Variants in KDM4B observed in about 807,000 individuals in gnomAD.
KDM4B encodes lysine-specific demethylase 4B.
A neutral mutation model predicts 125.2 loss-of-function variants in KDM4B; 32 were observed. That is an observed-to-expected ratio of 0.26 (90% CI 0.19 to 0.34). KDM4B has a LOEUF of 0.34. KDM4B is among the 10% of genes least tolerant of loss of function. The pLI is 1.00. For synonymous variants in KDM4B, 721 were observed against 677.9 expected (o/e 1.06, Z -0.99); for missense variants, 1,190 against 1,577.7 (o/e 0.75, Z 4.16).
intron 5 of KDM4B, among the ~76,000 whole-genome samples, chr19:5,042,064 T>G (rs11673134): frequency 0.083 from 12,602 of 152,324 alleles, 596 homozygotes; most frequent in Middle Eastern, 0.17. Flanking sequence ...AAGCCAGCCT[T>G]GCTTCCGGCC....
intron 12 of KDM4B, 140 bp from the exon 13 acceptor site, chr19:5,131,747 C>T (rs2039560495): frequency 3.2e-6 from 3 of 947,910 alleles, no homozygotes; most frequent in Non-Finnish European, 4.7e-6. Context: ...AACAGAGGAG[C>T]CCTGTGGTTC....
At chr19:5,015,662 C>T (rs562178940) in intron 1 of KDM4B, among the ~76,000 whole-genome samples, 29 of 152,236 alleles carry the variant, frequency 1.9e-4, no homozygotes, top group African/African-American at 2.6e-4. Context: ...CCAGCCTGGA[C>T]GCTATAGTGA....
chr19:5,041,013 C>T lies in KDM4B; in HGVS notation c.318-124C>T, dbSNP rs372303215. 4.6e-4 allele frequency: 269 copies of T among 588,256 alleles called. 1 individual carries two copies. In the East Asian group the frequency reaches 7.4e-3, roughly 16 times the overall value. The allele number at this position is 588,256 out of a possible 1,614,324, so 36.4% of individuals were successfully genotyped here. On this transcript the variant is annotated intron_variant, in intron 4 of 22. Transcript: ENST00000159111. ...TTGCGTGGTACCCTAGGCGGGGCAG[C>T]GGGCAGTCGGAGCAGAGCCCCTCCC... is the stretch of plus-strand genomic sequence containing the variant.
At chr19:5,102,697 G>A (rs7245518) in intron 9 of KDM4B, among the ~76,000 whole-genome samples, 3,059 of 152,212 alleles carry the variant, frequency 0.02, 66 homozygotes, top group African/African-American at 0.059. Context: ...GGCAATGGGC[G>A]GCGGGCGACG....
At chr19:4,975,781 T>C (rs1255202039) in intron 1 of KDM4B, among the ~76,000 whole-genome samples, 2 of 151,262 alleles carry the variant, frequency 1.3e-5, no homozygotes, top group South Asian at 2.1e-4. Flanking sequence ...TTAGTAGAGA[T>C]GGGATTGCGC....
rs55806859 is a variant in KDM4B at position 5,057,065 on chromosome 19, T to TGTGTGCGC, written c.626+9397_626+9398insTGTGCGCG. ...GTGTGTGTGTGTGTGTGTGTGTGTG[T>TGTGTGCGC]GCGCGCGCGCGCGTATGTTAGCAAA... On this transcript the variant is annotated intron_variant, in intron 6 of 22. Coordinates refer to ENST00000159111, the MANE Select transcript of KDM4B (RefSeq NM_015015.3). Among the ~76,000 whole-genome samples, 200 of 128,380 alleles carry TGTGTGCGC rather than the reference T, an allele frequency of 1.6e-3. 1 individual carries two copies. The highest frequency in any genetic ancestry group is 3.8e-3 in the African/African-American group (118 of 31,288). The allele number at this position is 128,380 out of a possible 152,430, so 84.2% of individuals were successfully genotyped here. A position where few individuals can be genotyped will look rare whatever the true frequency, so the allele number is the denominator to read the frequency against.
intron 6 of KDM4B, among the ~76,000 whole-genome samples, chr19:5,057,010 T>C (rs999294471): frequency 6.6e-6 from 1 of 151,060 alleles, no homozygotes; most frequent in African/African-American, 2.5e-5. Flanking sequence ...ATAAAGCATG[T>C]AAGTACCAGA....
chr19:5,151,084 G>A (rs955978028), intron 22 of KDM4B, among the ~76,000 whole-genome samples: 4 of 152,228 alleles, frequency 2.6e-5, no homozygotes, highest in Admixed American at 6.5e-5. Context: ...GATGGGAGCT[G>A]CCAGATGGAC....
intron 6 of KDM4B, among the ~76,000 whole-genome samples, chr19:5,057,063 T>TGCGC (rs764454247): frequency 1.7e-4 from 23 of 134,438 alleles, no homozygotes; most frequent in East Asian, 1.1e-3. Context: ...TGTGTGTGTG[T>TGCGC]GTGCGCGCGC....
intron 8 of KDM4B, chr19:5,077,711 A>C: frequency 6.2e-6 from 3 of 484,894 alleles, no homozygotes; most frequent in Non-Finnish European, 7.4e-6. Context: ...AACCAAACCA[A>C]AACTTCCTCC....
At chr19:5,097,385 G>A (rs1226846181) in intron 9 of KDM4B, among the ~76,000 whole-genome samples, 1 of 152,098 alleles carries the variant, frequency 6.6e-6, no homozygotes, top group Non-Finnish European at 1.5e-5. Flanking sequence ...CGGGTAGCTG[G>A]GACTACAGGT....
chr19:5,126,403 C>A (rs2039450152), intron 11 of KDM4B, among the ~76,000 whole-genome samples: 1 of 152,216 alleles, frequency 6.6e-6, no homozygotes, highest in South Asian at 2.1e-4. Context: ...TCTCCTGAGC[C>A]TCCGGGGAGG....
rs538354810 is a variant in KDM4B, at chr19:5,085,745, C to T, written c.918+3241C>T. Among the ~76,000 whole-genome samples, 7 of 152,328 alleles carry T rather than the reference C, an allele frequency of 4.6e-5. No individual in the cohort carries two copies. The South Asian group carries it at 6.2e-4, about 14-fold the overall frequency. On this transcript the variant is annotated intron_variant, in intron 9 of 22. Coordinates refer to ENST00000159111, the MANE Select transcript of KDM4B (RefSeq NM_015015.3). ...CCTGGCCTGGGCGGCGAGGGCCTTA[C>T]GCAGGGAGTGTCATTAGCCACAAGG...
chr19:5,046,817 C>G (rs2037041408), intron 5 of KDM4B, among the ~76,000 whole-genome samples: 1 of 152,218 alleles, frequency 6.6e-6, no homozygotes, highest in African/African-American at 2.4e-5. Flanking sequence ...TTTCTCCTTC[C>G]GTGTCATTGA....
chr19:5,115,409 A>C lies in KDM4B; in HGVS notation c.1116-4244A>C, dbSNP rs2039236052. ...CCAACCCCCAAGGCCAGGAGAGACA[A>C]TAGAGGGGGTGGGGGTCCTCTGCCA... On this transcript the variant is annotated intron_variant, in intron 10 of 22. Transcript: ENST00000159111. This position sits in a 1 kb window ranked among gnomAD's most constrained non-coding sequence, Gnocchi z 4.2. 6.6e-6 allele frequency among the ~76,000 whole-genome samples: 1 copy of C among 152,060 alleles called. No individual in the cohort carries two copies. Among genetic ancestry groups the C allele is most frequent in the Non-Finnish European group, 1.5e-5 (1 of 67,988 alleles).
rs1464762900 is a variant in KDM4B, at chr19:5,150,360, G to A, written c.3024G>A (p.Val1008=). 6 of 1,550,948 alleles carry A rather than the reference G, an allele frequency of 3.9e-6. No individual in the cohort carries two copies. Among genetic ancestry groups the A allele is most frequent in the Admixed American group, 2.0e-5 (1 of 50,982 alleles). ...CTGAGAGCCACATCCCCCTGCAGGTGGAGTTTGAGGACGGGTCCCAGCTGA... is the reference window on the plus strand; with the variant it reads ...CTGAGAGCCACATCCCCCTGCAGGTAGAGTTTGAGGACGGGTCCCAGCTGA... ...ISSVTSHIYQ[V]EFEDGSQLTV... is the part of the protein sequence containing the mutation. The change falls in exon 22 of 23, where the codon GTG becomes GTA. Residue 1008 remains valine (V), a splice_region_variant and synonymous_variant. Coordinates refer to ENST00000159111, the MANE Select transcript of KDM4B (RefSeq NM_015015.3).
chr19:5,006,780 A>G (rs1228817210), intron 1 of KDM4B, among the ~76,000 whole-genome samples: 1 of 152,086 alleles, frequency 6.6e-6, no homozygotes, highest in African/African-American at 2.4e-5. Flanking sequence ...CTCAAAAAAA[A>G]AAAAAAAGAT....
intron 1 of KDM4B, among the ~76,000 whole-genome samples, chr19:4,981,777 C>T (rs566355349): frequency 6.6e-6 from 1 of 152,300 alleles, no homozygotes; most frequent in Admixed American, 6.5e-5. Flanking sequence ...TGGGGACTGT[C>T]ACCTGCTCTC....
At chr19:5,050,126 C>A (rs942253630) in intron 6 of KDM4B, among the ~76,000 whole-genome samples, 1 of 152,226 alleles carries the variant, frequency 6.6e-6, no homozygotes, top group Admixed American at 6.5e-5. Flanking sequence ...TAATTGCAAC[C>A]ATTTCAGAGT....
Sources: allele counts gnomAD v4.1 joint callset (sites outside exome capture counted in the v4.1 genomes callset), GRCh38; gene constraint gnomAD v4.1.1; non-coding constraint Gnocchi (gnomAD v3.1); transcripts MANE v1.5; gene names NCBI Gene and HGNC (gene_info 2026-07-23, HGNC 2026-07-21).